CACNA2D3: variants seen among roughly 807,000 people sequenced by gnomAD.
CACNA2D3 encodes the protein calcium voltage-gated channel auxiliary subunit alpha2delta 3.
Under a neutral mutation model 160.6 loss-of-function variants are expected in CACNA2D3, and 60 were observed. The ratio of observed to expected loss-of-function variants is 0.37; its 90% CI spans 0.30 to 0.46. The LOEUF (loss-of-function observed/expected upper bound fraction) is 0.46. Among genes scored for constraint, CACNA2D3 ranks in the 20% least tolerant of loss-of-function variants. The pLI, the probability that CACNA2D3 is intolerant of heterozygous loss-of-function variation, is 1.00. For missense variants in CACNA2D3, 1,205 were observed against 1,365.0 expected, an observed-to-expected ratio of 0.88 and a Z score of 1.85; for synonymous variants, 558 against 492.9, an observed-to-expected ratio of 1.13 and a Z score of -1.75.
At chr3:55,059,074 A>C (rs377009249) in intron 35 of CACNA2D3, among the ~76,000 whole-genome samples, 2 of 152,238 alleles carry the variant, frequency 1.3e-5, no homozygotes, top group African/African-American at 4.8e-5. Flanking sequence ...CAATGATCAC[A>C]CTTTGACTTT....
intron 9 of CACNA2D3, among the ~76,000 whole-genome samples, chr3:54,610,977 G>A (rs549591362): frequency 3.9e-5 from 6 of 151,928 alleles, no homozygotes; most frequent in Admixed American, 2.6e-4. Flanking sequence ...GCTTTTCTTC[G>A]CCAAATGTAG....
chr3:54,498,224 G>A (rs1261908419), intron 4 of CACNA2D3, among the ~76,000 whole-genome samples: 1 of 151,464 alleles, frequency 6.6e-6, no homozygotes, highest in African/African-American at 2.4e-5. Flanking sequence ...TTGTTTGTTT[G>A]TTTTATCATG....
intron 13 of CACNA2D3, among the ~76,000 whole-genome samples, chr3:54,790,755 C>A (rs561164216): frequency 6.6e-6 from 1 of 152,162 alleles, no homozygotes; most frequent in African/African-American, 2.4e-5. Context: ...TGAGCCTGAG[C>A]CCCTAGTGAC....
At chr3:54,783,707 A>G (rs1172563977) in intron 13 of CACNA2D3, among the ~76,000 whole-genome samples, 1 of 152,196 alleles carries the variant, frequency 6.6e-6, no homozygotes, top group Non-Finnish European at 1.5e-5. Context: ...TTGGCAACCC[A>G]AGGTAGGAAA....
intron 13 of CACNA2D3, among the ~76,000 whole-genome samples, chr3:54,786,795 A>T (rs776888856): frequency 1.3e-5 from 2 of 152,234 alleles, no homozygotes; most frequent in Non-Finnish European, 2.9e-5. Context: ...TGGAATGTTG[A>T]AACTGGGAGC....
At chr3:54,229,017 G>C (rs1701722420) in intron 2 of CACNA2D3, among the ~76,000 whole-genome samples, 1 of 152,176 alleles carries the variant, frequency 6.6e-6, no homozygotes, top group Non-Finnish European at 1.5e-5. Context: ...GTGCTGTATG[G>C]AAGATTCAGG....
intron 4 of CACNA2D3, among the ~76,000 whole-genome samples, chr3:54,457,567 G>C (rs1386262590): frequency 5.3e-5 from 8 of 151,920 alleles, no homozygotes; most frequent in African/African-American, 1.9e-4. Flanking sequence ...ATGTCCATAG[G>C]TGTGTTTGGT....
intron 11 of CACNA2D3, among the ~76,000 whole-genome samples, chr3:54,693,182 G>A (rs1221535127): frequency 6.6e-6 from 1 of 152,170 alleles, no homozygotes; most frequent in Admixed American, 6.5e-5. Context: ...AGAAAAATGG[G>A]CATCTTAACA....
chr3:54,992,403 TG>T (rs935349717), intron 31 of CACNA2D3, among the ~76,000 whole-genome samples: 2 of 152,088 alleles, frequency 1.3e-5, no homozygotes, highest in African/African-American at 4.8e-5. Flanking sequence ...CTCCTGAGTG[TG>T]GGCACTCAGC....
At chr3:54,972,597 C>T (rs555947164) in intron 29 of CACNA2D3, among the ~76,000 whole-genome samples, 17 of 152,340 alleles carry the variant, frequency 1.1e-4, no homozygotes, top group South Asian at 4.1e-4. Context: ...CCAACTCCCT[C>T]GGGCTTATCA....
chr3:54,815,676 A>G (rs1049645977), intron 13 of CACNA2D3, among the ~76,000 whole-genome samples: 3 of 152,176 alleles, frequency 2.0e-5, no homozygotes, highest in Admixed American at 6.5e-5. Flanking sequence ...GCACAGTCCT[A>G]TGATTGTTTA....
chr3:54,827,583 C>T lies in CACNA2D3; in HGVS notation c.1399-9576C>T, dbSNP rs9860701. ...TTTTATCACTGTGACATCAGCTGGACGTTGTGCACCAGCTTCTCAGCACTT... is the reference window on the plus strand; with the variant it reads ...TTTTATCACTGTGACATCAGCTGGATGTTGTGCACCAGCTTCTCAGCACTT... On this transcript the variant is annotated intron_variant, in intron 14 of 37. Transcript: ENST00000474759. 3.9e-3 allele frequency among the ~76,000 whole-genome samples: 600 copies of T among 152,210 alleles called. 4 individuals are homozygous for T. The highest frequency in any genetic ancestry group is 0.014 in the African/African-American group (579 of 41,532).
At chr3:54,630,585 TA>T (rs1342722345) in intron 10 of CACNA2D3, among the ~76,000 whole-genome samples, 1 of 152,228 alleles carries the variant, frequency 6.6e-6, no homozygotes, top group East Asian at 1.9e-4. Flanking sequence ...CCACACTTAC[TA>T]ACCCAGGAAC....
chr3:54,126,960 G>A (rs1183853603), intron 2 of CACNA2D3, among the ~76,000 whole-genome samples: 1 of 152,102 alleles, frequency 6.6e-6, no homozygotes, highest in Non-Finnish European at 1.5e-5. Flanking sequence ...CTGTATTTTG[G>A]GATTCAGTGA....
intron 3 of CACNA2D3, among the ~76,000 whole-genome samples, chr3:54,363,482 C>T (rs1052588904): frequency 3.9e-5 from 6 of 152,064 alleles, no homozygotes; most frequent in Non-Finnish European, 8.8e-5. Flanking sequence ...AAAATAATAG[C>T]TGAGGTCTTT....
intron 33 of CACNA2D3, 81 bp from the exon 34 acceptor site, chr3:55,009,307 C>A: frequency 1.6e-6 from 2 of 1,256,528 alleles, no homozygotes; most frequent in Non-Finnish European, 2.3e-6. Flanking sequence ...GTAAGCGATG[C>A]CAAAGAATAC....
intron 5 of CACNA2D3, among the ~76,000 whole-genome samples, chr3:54,560,730 A>G (rs1052264885): frequency 6.6e-6 from 1 of 152,064 alleles, no homozygotes; most frequent in Non-Finnish European, 1.5e-5. Context: ...ATGTCTTTAA[A>G]CCATCTTGTC....
At chr3:54,750,075 G>C (rs776552546) in intron 11 of CACNA2D3, among the ~76,000 whole-genome samples, 1 of 152,198 alleles carries the variant, frequency 6.6e-6, no homozygotes, top group African/African-American at 2.4e-5. Flanking sequence ...CAATTCTACT[G>C]GTTTTCCAAA....
At chr3:55,045,007 T>C (rs1704045477) in intron 35 of CACNA2D3, among the ~76,000 whole-genome samples, 1 of 152,186 alleles carries the variant, frequency 6.6e-6, no homozygotes, top group African/African-American at 2.4e-5. Context: ...TAATATTATG[T>C]TGTGGCTTTT....
Sources: gnomAD v4.1 joint callset for allele counts (sites outside exome capture counted in the v4.1 genomes callset) on GRCh38, gnomAD v4.1.1 for gene constraint, MANE v1.5 for transcripts, NCBI Gene and HGNC (gene_info 2026-07-23, HGNC 2026-07-21) for gene names.